PTPRK: variants seen among roughly 807,000 people sequenced by gnomAD.
The protein encoded by PTPRK is receptor-type tyrosine-protein phosphatase kappa.
Under a neutral mutation model 178.0 loss-of-function variants are expected in PTPRK, and 75 were observed. That is an observed-to-expected ratio of 0.42 (90% CI 0.35 to 0.51). The LOEUF is 0.51. Ranked by LOEUF, PTPRK falls within the 20% of genes least tolerant of loss-of-function variation. PTPRK has a pLI of 0.02. For synonymous variants in PTPRK, 637 were observed against 620.6 expected, an observed-to-expected ratio of 1.03 and a Z score of -0.39; for missense variants, 1,441 against 1,797.8, an observed-to-expected ratio of 0.80 and a Z score of 3.59.
rs1829029898 is a variant in PTPRK, at chr6:128,322,937, C to T, written c.224-627G>A. 3.3e-5 allele frequency among the ~76,000 whole-genome samples: 5 copies of T among 151,986 alleles called. No individual in the cohort carries two copies. The South Asian group carries it at 1.0e-3, about 32-fold the overall frequency. ...AGTATGAGGGCTAAAGTTAAAAATG[C>T]CTAGAGCTGAGGATCAGGACACAGC... On this transcript the variant is annotated intron_variant, in intron 2 of 29. Coordinates refer to ENST00000368226, the MANE Select transcript of PTPRK (RefSeq NM_002844.4).
chr6:128,093,747 AT>A (rs1371904656), intron 7 of PTPRK, among the ~76,000 whole-genome samples: 3 of 151,922 alleles, frequency 2.0e-5, no homozygotes, highest in African/African-American at 7.2e-5. Flanking sequence ...TCCATCTATA[AT>A]GAAACATAAA....
chr6:128,368,202 T>G (rs1835787602), intron 2 of PTPRK, among the ~76,000 whole-genome samples: 1 of 151,934 alleles, frequency 6.6e-6, no homozygotes. Flanking sequence ...AGACTAAATT[T>G]AATGAATAAA....
intron 1 of PTPRK, among the ~76,000 whole-genome samples, chr6:128,404,201 C>T (rs1841379215): frequency 6.6e-6 from 1 of 152,150 alleles, no homozygotes; most frequent in African/African-American, 2.4e-5. Context: ...GCAACTGAAC[C>T]AGAAATGGAG....
Position 128,149,328 on chromosome 6 carries a change from CA to C in PTPRK, c.1162+35103del, listed in dbSNP as rs554797244. On this transcript the variant is annotated intron_variant, in intron 7 of 29. Transcript: ENST00000368226. ...AATAATAATAATAAAGAAAATATGG[CA>C]TATCATGGTTAATGAAATAATAATA... 2.9e-4 allele frequency among the ~76,000 whole-genome samples: 44 copies of C among 151,682 alleles called. No individual in the cohort carries two copies. In the East Asian group the frequency reaches 7.6e-3, roughly 26 times the overall value.
In PTPRK at chr6:128,401,553, A is replaced by C. The variant is rs1841019387; in HGVS notation, c.101-3865T>G. On this transcript the variant is annotated intron_variant, in intron 1 of 29. Coordinates refer to ENST00000368226, the MANE Select transcript of PTPRK (RefSeq NM_002844.4). ...AATTTAAACAAAGTTGAACTGAAGAAAAATGAAAAGTCGTAGATCACTGGA... is the reference window on the plus strand; with the variant it reads ...AATTTAAACAAAGTTGAACTGAAGACAAATGAAAAGTCGTAGATCACTGGA... Among the ~76,000 whole-genome samples the C allele has an allele frequency of 3.3e-5, 5 of 152,340 alleles. No individual in the cohort carries two copies. In the South Asian group the frequency reaches 1.0e-3, roughly 32 times the overall value.
chr6:128,298,731 G>C (rs1354718062), intron 3 of PTPRK, among the ~76,000 whole-genome samples: 2 of 152,010 alleles, frequency 1.3e-5, no homozygotes, highest in Non-Finnish European at 1.5e-5. Context: ...AAAATAATAA[G>C]AGCTATCTAT....
intron 7 of PTPRK, among the ~76,000 whole-genome samples, chr6:128,183,283 C>G (rs565714034): frequency 6.6e-6 from 1 of 152,170 alleles, no homozygotes; most frequent in South Asian, 2.1e-4. Flanking sequence ...GTCACATGAC[C>G]TCGATTGAAA....
chr6:128,235,417 G>T, intron 5 of PTPRK: 2 of 227,690 alleles, frequency 8.8e-6, no homozygotes, highest in Non-Finnish European at 2.0e-5. Context: ...TTTCATTTCA[G>T]TATAAATTAT....
intron 1 of PTPRK, among the ~76,000 whole-genome samples, chr6:128,489,046 C>A (rs1345617852): frequency 2.6e-5 from 4 of 151,844 alleles, no homozygotes; most frequent in African/African-American, 9.7e-5. Context: ...TTTATTTTTA[C>A]CATGAATAGG....
chr6:128,421,543 A>AT (rs1223077744), intron 1 of PTPRK, among the ~76,000 whole-genome samples: 4 of 152,110 alleles, frequency 2.6e-5, no homozygotes, highest in Non-Finnish European at 4.4e-5. Flanking sequence ...TAAGAACAGG[A>AT]TTTTTTACAA....
intron 1 of PTPRK, among the ~76,000 whole-genome samples, chr6:128,473,134 T>C (rs748788145): frequency 1.3e-5 from 2 of 152,060 alleles, no homozygotes; most frequent in Non-Finnish European, 2.9e-5. Flanking sequence ...TCTCTAAATC[T>C]CCTTTAATGC....
intron 13 of PTPRK, among the ~76,000 whole-genome samples, chr6:128,056,007 T>A (rs1056448900): frequency 2.4e-4 from 36 of 150,122 alleles, no homozygotes; most frequent in Non-Finnish European, 3.3e-4. Context: ...TTTTTTTTTT[T>A]AAATCTTGGA....
At chr6:128,408,929 T>G (rs1235636531) in intron 1 of PTPRK, among the ~76,000 whole-genome samples, 1 of 152,226 alleles carries the variant, frequency 6.6e-6, no homozygotes, top group Non-Finnish European at 1.5e-5. Flanking sequence ...AGACAAAGCA[T>G]ATTTTAAGAA....
chr6:128,384,219 T>G (rs538785959), intron 2 of PTPRK, among the ~76,000 whole-genome samples: 49 of 152,308 alleles, frequency 3.2e-4, no homozygotes, highest in Admixed American at 9.2e-4. Context: ...GGACTTCTCA[T>G]AGATATGTTC....
intron 2 of PTPRK, among the ~76,000 whole-genome samples, chr6:128,392,215 G>A (rs1198205597): frequency 6.6e-6 from 1 of 152,048 alleles, no homozygotes; most frequent in African/African-American, 2.4e-5. Flanking sequence ...TAAGGGAGGA[G>A]GAGTGGTTCC....
intron 1 of PTPRK, among the ~76,000 whole-genome samples, chr6:128,469,265 C>T (rs1051693456): frequency 6.6e-6 from 1 of 152,048 alleles, no homozygotes; most frequent in Non-Finnish European, 1.5e-5. Context: ...AGATGTATGC[C>T]AAGGGAAGCT....
chr6:128,410,863 C>G (rs1458954065), intron 1 of PTPRK, among the ~76,000 whole-genome samples: 1 of 152,126 alleles, frequency 6.6e-6, no homozygotes, highest in East Asian at 1.9e-4. Context: ...CCTTCAGTGG[C>G]AAAACTTCCT....
chr6:128,207,970 G>A (rs745489700), intron 6 of PTPRK, among the ~76,000 whole-genome samples: 7 of 151,798 alleles, frequency 4.6e-5, no homozygotes, highest in African/African-American at 9.7e-5. Flanking sequence ...AAATGTTCTC[G>A]GTGGCAGATT....
chr6:128,243,636 G>C (rs1814919855), intron 3 of PTPRK, among the ~76,000 whole-genome samples: 1 of 151,890 alleles, frequency 6.6e-6, no homozygotes, highest in East Asian at 1.9e-4. Flanking sequence ...CAAGGCTGCA[G>C]TGAGGTAGGA....
Sources: gnomAD v4.1 joint callset for allele counts (sites outside exome capture counted in the v4.1 genomes callset) on GRCh38, gnomAD v4.1.1 for gene constraint, MANE v1.5 for transcripts, NCBI Gene and HGNC (gene_info 2026-07-23, HGNC 2026-07-21) for gene names.